The following HEATR5B variants were observed in gnomAD, a reference collection of about 807,000 sequenced individuals.
HEATR5B encodes HEAT repeat containing 5B, also known as HEAT repeat-containing protein 5B.
A neutral mutation model predicts 224.1 loss-of-function variants in HEATR5B; 156 were observed. That is an observed-to-expected ratio of 0.70 (90% CI 0.61 to 0.80). The LOEUF (loss-of-function observed/expected upper bound fraction) is 0.80, where lower values mean the gene tolerates loss of function less well. Among genes scored for constraint, HEATR5B ranks in the 30% least tolerant of loss-of-function variants. The pLI, the probability that HEATR5B is intolerant of heterozygous loss-of-function variation, is 0.00. For missense variants in HEATR5B, 2,323 were observed against 2,535.5 expected, an observed-to-expected ratio of 0.92 and a Z score of 1.80; for synonymous variants, 1,027 against 893.0, an observed-to-expected ratio of 1.15 and a Z score of -2.68.
intron 5 of HEATR5B, among the ~76,000 whole-genome samples, chr2:37,074,132 T>C (rs1672080217): frequency 6.6e-6 from 1 of 151,952 alleles, no homozygotes; most frequent in African/African-American, 2.4e-5. Flanking sequence ...CCATCCTGGC[T>C]AACACGGTGA....
chr2:37,082,307 T>G (rs910652809), intron 2 of HEATR5B, among the ~76,000 whole-genome samples: 5 of 152,096 alleles, frequency 3.3e-5, no homozygotes, highest in African/African-American at 1.2e-4. Context: ...CTGGAACTCC[T>G]GACCTCAGGT....
intron 8 of HEATR5B, among the ~76,000 whole-genome samples, chr2:37,066,259 T>C (rs565643067): frequency 6.0e-4 from 92 of 152,326 alleles, no homozygotes; most frequent in Non-Finnish European, 1.1e-3. Context: ...TTATGTGACA[T>C]TGAGCAAGAT....
At chr2:37,034,235 T>G (rs1669325865) in intron 21 of HEATR5B, among the ~76,000 whole-genome samples, 1 of 150,880 alleles carries the variant, frequency 6.6e-6, no homozygotes, top group African/African-American at 2.4e-5. Context: ...CTCCATCTCC[T>G]GACCTTCTGA....
chr2:37,000,070 A>C (rs1382906152), intron 33 of HEATR5B, among the ~76,000 whole-genome samples: 2 of 151,708 alleles, frequency 1.3e-5, no homozygotes, highest in Admixed American at 6.6e-5. Context: ...CAGTATATTT[A>C]TATATATATT....
chr2:37,065,829 G>A lies in HEATR5B; in HGVS notation c.1259C>T (p.Ala420Val). ...CACCAGGCTCCCGAGTTCCTGGAGG[G>A]CACAGACCATCACATGCTGGCTTGC... ...IAASQHVMVCALQELGSLVQS... is the reference protein window; with the variant it reads ...IAASQHVMVCVLQELGSLVQS... The change falls in exon 9 of 36, where the codon GCC (alanine) becomes GTC (valine). Residue 420 changes from alanine to valine, a missense_variant. Coordinates refer to ENST00000233099, the MANE Select transcript of HEATR5B (RefSeq NM_019024.3). 6.2e-7 allele frequency: 1 copy of A among 1,613,924 alleles called. No individual in the cohort carries two copies. The highest frequency in any genetic ancestry group is 1.1e-5 in the South Asian group (1 of 91,072).
chr2:37,046,506 G>A (rs1572881363), intron 18 of HEATR5B, among the ~76,000 whole-genome samples: 1 of 151,966 alleles, frequency 6.6e-6, no homozygotes, highest in Non-Finnish European at 1.5e-5. Context: ...GGGCGTGGTG[G>A]CAGGCACCTG....
intron 35 of HEATR5B, among the ~76,000 whole-genome samples, chr2:36,987,904 T>A (rs1341597369): frequency 6.6e-6 from 1 of 151,822 alleles, no homozygotes; most frequent in East Asian, 1.9e-4. Context: ...AAAACCTGTC[T>A]CTACAAAAAA....
In HEATR5B at chr2:37,028,019, C is replaced by A. The variant is rs1340074552; in HGVS notation, c.3757G>T (p.Asp1253Tyr). 2 of 1,613,996 alleles carry A rather than the reference C, an allele frequency of 1.2e-6. No individual in the cohort carries two copies. Among genetic ancestry groups the A allele is most frequent in the African/African-American group, 2.7e-5 (2 of 74,910 alleles). The change falls in exon 24 of 36, where the codon GAT becomes TAT. Residue 1253 changes from aspartate (D) to tyrosine (Y), a missense_variant. Around this residue, in one of 12 missense-constraint regions of HEATR5B, gnomAD observed 339 missense variants for 378.4 expected, o/e 0.90. Coordinates refer to ENST00000233099, the MANE Select transcript of HEATR5B (RefSeq NM_019024.3). Reference sequence around the variant, plus strand: ...AAATTGATGATTCGACACAGGCAATCGGCAGCAAATACTCGAGTGGCCCAG... The same window carrying A: ...AAATTGATGATTCGACACAGGCAATAGGCAGCAAATACTCGAGTGGCCCAG... ...PRWATRVFAA[D>Y]CLCRIINLCE...
At chr2:37,055,105 TA>T in intron 16 of HEATR5B, 1 of 411,698 alleles carries the variant, frequency 2.4e-6, no homozygotes. Context: ...AGAACAGCAG[TA>T]AATATATTAA....
chr2:37,059,258 T>G (rs1479161887), intron 12 of HEATR5B, among the ~76,000 whole-genome samples: 1 of 150,756 alleles, frequency 6.6e-6, no homozygotes, highest in African/African-American at 2.4e-5. Context: ...TATGATCCCA[T>G]AGGAATTCAG....
At chr2:37,060,763 T>G in intron 11 of HEATR5B, 30 bp from the exon 12 acceptor site, 2 of 1,602,058 alleles carry the variant, frequency 1.2e-6, no homozygotes, top group Non-Finnish European at 1.7e-6. Context: ...TACAAAACCA[T>G]GTATATGTAA....
chr2:37,057,613 T>A, intron 14 of HEATR5B, 133 bp from the exon 15 acceptor site: 1 of 566,592 alleles, frequency 1.8e-6, no homozygotes, highest in South Asian at 3.0e-5. Context: ...TTAAAAAAAA[T>A]CTATATTTAA....
At chr2:37,015,459 A>C (rs573098021) in intron 26 of HEATR5B, among the ~76,000 whole-genome samples, 1 of 152,360 alleles carries the variant, frequency 6.6e-6, no homozygotes, top group Admixed American at 6.5e-5. Context: ...AATGGAATAA[A>C]AAAGGAGAAG....
intron 12 of HEATR5B, among the ~76,000 whole-genome samples, chr2:37,059,462 A>ATTTTTTTT (rs1287761202): frequency 1.1e-5 from 1 of 93,908 alleles, no homozygotes. Flanking sequence ...ATATATATAT[A>ATTTTTTTT]TATTTTTTTT....
At position 37,070,360 on chromosome 2, in the gene HEATR5B, G is replaced by C. The variant is rs1671833962; in HGVS notation, c.797C>G (p.Thr266Arg). The C allele has an allele frequency of 6.2e-7, 1 of 1,613,756 alleles. No individual in the cohort carries two copies. Among genetic ancestry groups the C allele is most frequent in the Non-Finnish European group, 8.5e-7 (1 of 1,179,872 alleles). The change falls in exon 7 of 36, where the codon ACA (threonine) becomes AGA (arginine). Residue 266 changes from threonine (T) to arginine (R), a missense_variant. Thr to Arg is a moderately conservative substitution (Grantham distance 71). Transcript: ENST00000233099. ...TVMRQNVKRATFDEVLELMAT... is the reference protein window; with the variant it reads ...TVMRQNVKRARFDEVLELMAT... ...CATGAGTTCTAAGACTTCATCAAAT[G>C]TTGCTCGCTTCACATTCTGACGCAT...
chr2:37,058,418 A>G lies in HEATR5B; in HGVS notation c.2059+33T>C, dbSNP rs573239811. ...ATACGGTGAAGAATTGTAAAGAAAA[A>G]TTTTTATCAGATACCACAAATTTTT... On this transcript the variant is annotated intron_variant, in intron 14 of 35. Transcript: ENST00000233099. 1.8e-5 allele frequency: 24 copies of G among 1,320,236 alleles called. No homozygotes were observed. The African/African-American group carries it at 3.3e-4, about 18-fold the overall frequency. The allele number at this position is 1,320,236 out of a possible 1,614,324, so 81.8% of individuals were successfully genotyped here. A position where few individuals can be genotyped will look rare whatever the true frequency, so the allele number is the denominator to read the frequency against.
rs1670926840 is a variant in HEATR5B at position 37,056,598 on chromosome 2, G to A, written c.2241C>T (p.Ala747=). The A allele has an allele frequency of 1.9e-6, 3 of 1,595,482 alleles. No homozygotes were observed. The African/African-American group carries it at 4.1e-5, about 22-fold the overall frequency. The change falls in exon 16 of 36, where the codon GCC becomes GCT. Residue 747 remains alanine, a synonymous_variant. Coordinates refer to ENST00000233099, the MANE Select transcript of HEATR5B (RefSeq NM_019024.3). ...CATGCTCCAGAGCCCCACTTCCAGA[G>A]GCACTGTTTGGCTGGAGCTGCAAAA... ...SIEDQLQPNS[A]SGSGALEHDP...
At chr2:37,054,585 T>A (rs1373611541) in intron 16 of HEATR5B, among the ~76,000 whole-genome samples, 1 of 147,956 alleles carries the variant, frequency 6.8e-6, no homozygotes, top group Non-Finnish European at 1.5e-5. Flanking sequence ...CCTGGGTTCA[T>A]ATGATTCTCC....
At chr2:37,064,527 T>G (rs76534868) in intron 10 of HEATR5B, among the ~76,000 whole-genome samples, 1,555 of 152,210 alleles carry the variant, frequency 0.01, 31 homozygotes, top group African/African-American at 0.036. Flanking sequence ...TTATAACATG[T>G]TACTAGACTT....
Sources: allele counts gnomAD v4.1 joint callset (sites outside exome capture counted in the v4.1 genomes callset), GRCh38; gene constraint gnomAD v4.1.1; regional missense constraint gnomAD v4.1.1; transcripts MANE v1.5; gene names NCBI Gene and HGNC (gene_info 2026-07-23, HGNC 2026-07-21).